MARCHF1: variants seen among roughly 807,000 people sequenced by gnomAD.
MARCHF1 encodes membrane associated ring-CH-type finger 1.
MARCHF1 carries 40 observed loss-of-function variants against 54.2 expected under a neutral mutation model. The ratio of observed to expected loss-of-function variants is 0.74; its 90% CI spans 0.57 to 0.96. MARCHF1 has a LOEUF of 0.96. MARCHF1 is among the 40% of genes least tolerant of loss of function. The probability of loss-of-function intolerance (pLI) is 0.00; values close to 1 mark genes in which losing one functional copy is unlikely to be tolerated. For missense variants in MARCHF1, 586 were observed against 656.5 expected, an observed-to-expected ratio of 0.89 and a Z score of 1.17; for synonymous variants, 236 against 236.3, an observed-to-expected ratio of 1.00 and a Z score of 0.01.
At chr4:164,233,593 C>A (rs182289602) in intron 1 of MARCHF1, among the ~76,000 whole-genome samples, 1 of 152,106 alleles carries the variant, frequency 6.6e-6, no homozygotes, top group Non-Finnish European at 1.5e-5. Context: ...CTGGTGGCTG[C>A]GGATGATGTC....
At chr4:164,279,497 A>C (rs12511897) in intron 1 of MARCHF1, among the ~76,000 whole-genome samples, 1 of 151,464 alleles carries the variant, frequency 6.6e-6, no homozygotes, top group East Asian at 1.9e-4. Context: ...ATAAAATTTA[A>C]ATGTTTATAA....
intron 4 of MARCHF1, chr4:163,828,928 T>C (rs916081745): frequency 3.9e-5 from 6 of 152,258 alleles, no homozygotes; most frequent in Non-Finnish European, 5.9e-5. Context: ...TAGAGCTGTT[T>C]GTCCCCTTGA....
chr4:163,754,607 A>G (rs1746612639), intron 4 of MARCHF1, among the ~76,000 whole-genome samples: 1 of 152,186 alleles, frequency 6.6e-6, no homozygotes, highest in Non-Finnish European at 1.5e-5. Context: ...AGAAAGTTAA[A>G]TCAATCTTTT....
intron 1 of MARCHF1, among the ~76,000 whole-genome samples, chr4:164,244,433 G>C (rs1307772194): frequency 6.6e-6 from 1 of 151,042 alleles, no homozygotes; most frequent in Non-Finnish European, 1.5e-5. Context: ...CAACATACCA[G>C]AATCTCTGGG....
intron 1 of MARCHF1, among the ~76,000 whole-genome samples, chr4:164,142,509 T>C (rs1437589408): frequency 6.6e-6 from 1 of 152,216 alleles, no homozygotes; most frequent in Non-Finnish European, 1.5e-5. Flanking sequence ...AGTGGGTCCC[T>C]GACCCCTGAC....
chr4:164,185,110 C>T (rs1730932290), intron 1 of MARCHF1, among the ~76,000 whole-genome samples: 1 of 152,044 alleles, frequency 6.6e-6, no homozygotes, highest in Non-Finnish European at 1.5e-5. Flanking sequence ...ATTTTATTTT[C>T]CTCACAAAAT....
At chr4:164,177,724 C>T (rs1358193611) in intron 1 of MARCHF1, among the ~76,000 whole-genome samples, 1 of 151,964 alleles carries the variant, frequency 6.6e-6, no homozygotes, top group Non-Finnish European at 1.5e-5. Context: ...TTCATAATTT[C>T]AGGTAAAATG....
At chr4:164,108,950 G>T (rs13146038) in intron 2 of MARCHF1, among the ~76,000 whole-genome samples, 26,459 of 151,910 alleles carry the variant, frequency 0.17, 3,018 homozygotes, top group Non-Finnish European at 0.26. Context: ...GAGGAAATTA[G>T]TTCAGCTCCC....
At position 164,298,309 on chromosome 4, in the gene MARCHF1, G is replaced by T. The variant is rs1239635404; in HGVS notation, c.-323+85561C>A. ...TAACTGTTCTACAATGCTAAAAAGA[G>T]AATAAATATATTGAACAAATTAATT... On this transcript the variant is annotated intron_variant, in intron 1 of 9. Coordinates refer to ENST00000514618, the MANE Select transcript of MARCHF1 (RefSeq NM_001394959.1). 3.9e-5 allele frequency among the ~76,000 whole-genome samples: 6 copies of T among 151,948 alleles called. 1 individual carries two copies. In the Middle Eastern group the frequency reaches 0.014, roughly 347 times the overall value.
chr4:164,204,599 G>A (rs1731554966), intron 1 of MARCHF1, among the ~76,000 whole-genome samples: 1 of 152,170 alleles, frequency 6.6e-6, no homozygotes, highest in South Asian at 2.1e-4. Flanking sequence ...CATTTTGTGT[G>A]AAAAACTTTG....
intron 7 of MARCHF1, among the ~76,000 whole-genome samples, chr4:163,595,515 T>C (rs1460436764): frequency 2.0e-5 from 3 of 152,026 alleles, no homozygotes; most frequent in Non-Finnish European, 4.4e-5. Flanking sequence ...AGACCCTGTC[T>C]CCAAAAAATG....
At chr4:164,189,575 A>G in intron 1 of MARCHF1, 1 of 932,156 alleles carries the variant, frequency 1.1e-6, no homozygotes, top group Non-Finnish European at 1.8e-6. Context: ...GCTGCTGTCC[A>G]GGCTGGAGTG....
chr4:163,968,404 C>G (rs970663225), intron 3 of MARCHF1, among the ~76,000 whole-genome samples: 3 of 152,084 alleles, frequency 2.0e-5, no homozygotes, highest in African/African-American at 4.8e-5. Context: ...TTTCTAAAAT[C>G]GGCATTTGGA....
intron 4 of MARCHF1, among the ~76,000 whole-genome samples, chr4:163,807,592 C>T (rs1001361163): frequency 4.6e-5 from 7 of 151,898 alleles, no homozygotes; most frequent in Admixed American, 3.3e-4. Context: ...TTTGGCACAT[C>T]CATTTAATAA....
intron 1 of MARCHF1, among the ~76,000 whole-genome samples, chr4:164,114,391 C>T (rs979921559): frequency 1.3e-5 from 2 of 151,722 alleles, no homozygotes; most frequent in African/African-American, 4.8e-5. Flanking sequence ...GTAAAAGATG[C>T]TTCCAGTATG....
intron 1 of MARCHF1, among the ~76,000 whole-genome samples, chr4:164,185,337 G>A (rs1549807): frequency 0.95 from 144,105 of 152,336 alleles, 68,257 homozygotes; most frequent in African/African-American, 0.99. Flanking sequence ...GATTGAATTT[G>A]TCTTTTATTT....
chr4:163,786,772 T>C (rs1457063478), intron 4 of MARCHF1, among the ~76,000 whole-genome samples: 1 of 151,852 alleles, frequency 6.6e-6, no homozygotes, highest in African/African-American at 2.4e-5. Flanking sequence ...GGACACTAAA[T>C]AGCAAAAACA....
At chr4:164,005,493 G>T (rs935012912) in intron 2 of MARCHF1, among the ~76,000 whole-genome samples, 5 of 151,992 alleles carry the variant, frequency 3.3e-5, no homozygotes, top group African/African-American at 1.2e-4. Flanking sequence ...GTCCCTCCCT[G>T]CAACTCTGCT....
intron 4 of MARCHF1, among the ~76,000 whole-genome samples, chr4:163,811,545 T>C (rs1315361607): frequency 6.6e-6 from 1 of 151,506 alleles, no homozygotes; most frequent in Non-Finnish European, 1.5e-5. Flanking sequence ...AAGACCAAAA[T>C]AGAGAAACGG....
Sources: allele counts gnomAD v4.1 joint callset (sites outside exome capture counted in the v4.1 genomes callset), GRCh38; gene constraint gnomAD v4.1.1; transcripts MANE v1.5; gene names NCBI Gene and HGNC (gene_info 2026-07-23, HGNC 2026-07-21).